The following EIF4G3 variants were observed in gnomAD, a reference collection of about 807,000 sequenced individuals.
The protein encoded by EIF4G3 is eIF-4-gamma 3.
In EIF4G3, 34 loss-of-function variants were observed where a neutral mutation model predicts 186.4. The observed-to-expected ratio is 0.18, with a 90% CI of 0.14 to 0.24. EIF4G3 has a LOEUF of 0.24. EIF4G3 is among the 10% of genes least tolerant of loss of function. EIF4G3 has a pLI of 1.00. For synonymous variants in EIF4G3, 673 were observed against 679.5 expected (o/e 0.99, Z 0.15); for missense variants, 1,536 against 1,948.5 (o/e 0.79, Z 3.99).
chr1:20,965,534 T>C (rs2074437745), intron 12 of EIF4G3, among the ~76,000 whole-genome samples: 1 of 123,918 alleles, frequency 8.1e-6, no homozygotes, highest in East Asian at 2.0e-4. Flanking sequence ...GCTAAACATC[T>C]CTCCAACTGG....
intron 2 of EIF4G3, among the ~76,000 whole-genome samples, chr1:21,163,450 C>T (rs572957638): frequency 6.6e-6 from 1 of 152,256 alleles, no homozygotes; most frequent in African/African-American, 2.4e-5. Context: ...TACTTGATGC[C>T]ATTAAAATTA....
At chr1:20,838,357 T>C (rs767613275) in intron 30 of EIF4G3, among the ~76,000 whole-genome samples, 38 of 152,314 alleles carry the variant, frequency 2.5e-4, no homozygotes, top group Middle Eastern at 3.4e-3. Context: ...CAGAATTTTC[T>C]GAGGAATGTA....
intron 13 of EIF4G3, 41 bp downstream of exon 13, chr1:20,949,958 AAAAG>A (rs749907046): frequency 6.6e-7 from 1 of 1,507,596 alleles, no homozygotes; most frequent in Non-Finnish European, 9.2e-7. Flanking sequence ...TAATTAATAA[AAAAG>A]AGACTAAAGA....
At chr1:20,970,689 C>A (rs761873935) in intron 11 of EIF4G3, among the ~76,000 whole-genome samples, 7 of 151,870 alleles carry the variant, frequency 4.6e-5, no homozygotes, top group Non-Finnish European at 1.0e-4. Context: ...TCTGGCCGGG[C>A]GCAGTGGCTC....
chr1:20,924,551 G>A (rs2094726725), intron 14 of EIF4G3, among the ~76,000 whole-genome samples: 1 of 152,130 alleles, frequency 6.6e-6, no homozygotes, highest in South Asian at 2.1e-4. Context: ...TAAATCATGA[G>A]AGAATTGTTC....
chr1:20,874,649 C>T (rs1318087778), intron 20 of EIF4G3, among the ~76,000 whole-genome samples: 1 of 152,076 alleles, frequency 6.6e-6, no homozygotes, highest in Non-Finnish European at 1.5e-5. Flanking sequence ...ACAGATACTC[C>T]TAGGTTGTGG....
Position 20,942,190 on chromosome 1 carries a change from G to C in EIF4G3, c.964C>G (p.Pro322Ala), listed in dbSNP as rs1398126645. Reference sequence around the variant, plus strand: ...ACAGAAGAAACAGTGGTAGGTGATGGAGGCAGAGGAAGCTCTGCTATGGAT... The same window carrying C: ...ACAGAAGAAACAGTGGTAGGTGATGCAGGCAGAGGAAGCTCTGCTATGGAT... ...IVSIAELPLP[P>A]SPTTVSSVAR... is the part of the protein sequence containing the mutation. The change falls in exon 14 of 37, where the codon CCA becomes GCA. Residue 322 changes from proline to alanine, a missense_variant. Transcript: ENST00000602326. 2 of 1,614,074 alleles carry C rather than the reference G, an allele frequency of 1.2e-6. No homozygotes were observed. Among genetic ancestry groups the C allele is most frequent in the Admixed American group, 1.7e-5 (1 of 60,006 alleles).
rs553769678 is a variant in EIF4G3 at position 20,898,731 on chromosome 1, T to A, written c.1999+966A>T. Among the ~76,000 whole-genome samples the A allele has an allele frequency of 2.0e-5, 3 of 152,020 alleles. No homozygotes were observed. The South Asian group carries it at 6.2e-4, about 31-fold the overall frequency. On this transcript the variant is annotated intron_variant, in intron 16 of 36. Coordinates refer to ENST00000602326, the MANE Select transcript of EIF4G3 (RefSeq NM_001391906.1). ...AAAACTTTTCACCTACTCCAAACTT[T>A]CTTTCTTTCTTTTTTTGAGATGGAG...
At chr1:21,122,248 A>G (rs773048665) in intron 2 of EIF4G3, among the ~76,000 whole-genome samples, 69 of 152,364 alleles carry the variant, frequency 4.5e-4, no homozygotes, top group Middle Eastern at 3.4e-3. Flanking sequence ...CTACTGCATT[A>G]CATTCATACC....
chr1:20,882,176 T>TACACAC (rs138208807), intron 19 of EIF4G3, among the ~76,000 whole-genome samples: 4,809 of 86,916 alleles, frequency 0.055, 98 homozygotes, highest in Middle Eastern at 0.096. Flanking sequence ...AAAGAAAAAT[T>TACACAC]ACACACACAC....
At chr1:20,962,360 G>A (rs2073514108) in intron 12 of EIF4G3, among the ~76,000 whole-genome samples, 5 of 152,120 alleles carry the variant, frequency 3.3e-5, no homozygotes, top group Admixed American at 3.3e-4. Flanking sequence ...AAGAAAATGT[G>A]TTTAAGAAAA....
chr1:21,135,387 T>G (rs2097220611), intron 2 of EIF4G3, among the ~76,000 whole-genome samples: 1 of 152,114 alleles, frequency 6.6e-6, no homozygotes, highest in African/African-American at 2.4e-5. Flanking sequence ...TGATGCCAGC[T>G]ACTCGGGAGA....
chr1:21,109,679 C>A (rs1180474195), intron 2 of EIF4G3, among the ~76,000 whole-genome samples: 1 of 152,140 alleles, frequency 6.6e-6, no homozygotes, highest in Non-Finnish European at 1.5e-5. Context: ...ATGTAAGGAA[C>A]AGAGGAAGCA....
At chr1:21,114,104 TG>T (rs2096775254) in intron 2 of EIF4G3, among the ~76,000 whole-genome samples, 1 of 152,156 alleles carries the variant, frequency 6.6e-6, no homozygotes, top group South Asian at 2.1e-4. Flanking sequence ...TTCATGGTGG[TG>T]GATACAACTG....
chr1:20,813,485 C>T (rs1173014346), intron 34 of EIF4G3, among the ~76,000 whole-genome samples: 1 of 150,256 alleles, frequency 6.7e-6, no homozygotes, highest in African/African-American at 2.4e-5. Context: ...GGGAGGACTG[C>T]TTGATCCCAA....
chr1:21,169,920 T>C (rs1417892609), intron 2 of EIF4G3, among the ~76,000 whole-genome samples: 2 of 152,172 alleles, frequency 1.3e-5, no homozygotes, highest in African/African-American at 4.8e-5. Flanking sequence ...CTCAAGCCTG[T>C]AATCCCAGCA....
chr1:20,874,770 C>T (rs2080266785), intron 20 of EIF4G3, among the ~76,000 whole-genome samples: 1 of 152,150 alleles, frequency 6.6e-6, no homozygotes, highest in Non-Finnish European at 1.5e-5. Flanking sequence ...CTAAAGAAAT[C>T]TTTCCCTACT....
intron 4 of EIF4G3, among the ~76,000 whole-genome samples, chr1:21,047,805 C>A (rs1049607414): frequency 6.6e-6 from 1 of 152,132 alleles, no homozygotes; most frequent in Non-Finnish European, 1.5e-5. Context: ...CTAAAAAAAA[C>A]TTGAGTTTCC....
intron 2 of EIF4G3, among the ~76,000 whole-genome samples, chr1:21,091,671 G>A (rs1163657101): frequency 1.3e-5 from 2 of 152,182 alleles, no homozygotes; most frequent in East Asian, 3.9e-4. Flanking sequence ...ATTTCGTTGA[G>A]CAGTAGTTTG....
Sources: allele counts gnomAD v4.1 joint callset (sites outside exome capture counted in the v4.1 genomes callset), GRCh38; gene constraint gnomAD v4.1.1; transcripts MANE v1.5; gene names NCBI Gene and HGNC (gene_info 2026-07-23, HGNC 2026-07-21).